LSAMP: variants seen among roughly 807,000 people sequenced by gnomAD.
LSAMP encodes the protein limbic system-associated membrane protein.
A neutral mutation model predicts 38.6 loss-of-function variants in LSAMP; 7 were observed. The observed-to-expected ratio is 0.18, with a 90% confidence interval of 0.10 to 0.34. The LOEUF (loss-of-function observed/expected upper bound fraction) is 0.34, where lower values mean the gene tolerates loss of function less well. Ranked by LOEUF, LSAMP falls within the 10% of genes least tolerant of loss-of-function variation. The probability of loss-of-function intolerance (pLI) is 1.00; values close to 1 mark genes in which losing one functional copy is unlikely to be tolerated. For missense variants in LSAMP, 313 were observed against 420.0 expected (o/e 0.75, Z 2.23); for synonymous variants, 154 against 166.8 (o/e 0.92, Z 0.59).
chr3:116,248,017 C>A (rs2046625740), intron 1 of LSAMP, among the ~76,000 whole-genome samples: 1 of 152,130 alleles, frequency 6.6e-6, no homozygotes, highest in Non-Finnish European at 1.5e-5. Context: ...AAGATATTTT[C>A]AAGGACATAT....
chr3:115,850,281 C>T (rs190049985), intron 4 of LSAMP, among the ~76,000 whole-genome samples: 3 of 152,256 alleles, frequency 2.0e-5, no homozygotes, highest in East Asian at 1.9e-4. Flanking sequence ...TCTTGGGAAC[C>T]ATCTGCAATC....
At chr3:116,425,697 C>A (rs2049185778) in intron 1 of LSAMP, among the ~76,000 whole-genome samples, 1 of 151,900 alleles carries the variant, frequency 6.6e-6, no homozygotes, top group Non-Finnish European at 1.5e-5. Flanking sequence ...AGAAAACTAT[C>A]AGCAAACATA....
intron 1 of LSAMP, among the ~76,000 whole-genome samples, chr3:116,395,204 T>C (rs117599638): frequency 6.6e-6 from 1 of 152,348 alleles, no homozygotes; most frequent in East Asian, 1.9e-4. Flanking sequence ...TAATCTCTCC[T>C]GTTTTAATAA....
chr3:116,414,876 G>T (rs1236716025), intron 1 of LSAMP, among the ~76,000 whole-genome samples: 1 of 151,924 alleles, frequency 6.6e-6, no homozygotes, highest in African/African-American at 2.4e-5. Flanking sequence ...TTTTACTAAG[G>T]TTTCTCTTTC....
At chr3:116,415,666 T>C (rs1294567433) in intron 1 of LSAMP, among the ~76,000 whole-genome samples, 8 of 152,136 alleles carry the variant, frequency 5.3e-5, no homozygotes, top group Non-Finnish European at 1.0e-4. Flanking sequence ...CATGATGCAT[T>C]CATTTGAAAC....
chr3:116,084,074 C>T lies in LSAMP; in HGVS notation c.388+2250G>A, dbSNP rs186157168. Among the ~76,000 whole-genome samples the T allele has an allele frequency of 8.7e-4, 132 of 152,190 alleles. 1 individual carries two copies. Among genetic ancestry groups the T allele is most frequent in the Non-Finnish European group, 1.4e-3 (94 of 68,004 alleles). On this transcript the variant is annotated intron_variant, in intron 2 of 6. Transcript: ENST00000490035. ...GACAAACATGGGTTTGAAACCCTGT[C>T]CTAAGCCTACAGAAAGCCTTTGGCA...
intron 3 of LSAMP, among the ~76,000 whole-genome samples, chr3:116,012,594 A>G (rs989529098): frequency 2.0e-5 from 3 of 152,182 alleles, no homozygotes; most frequent in Admixed American, 6.5e-5. Context: ...AATAGACCTT[A>G]AGCGGGTACA....
At chr3:116,250,331 C>T (rs2046663574) in intron 1 of LSAMP, among the ~76,000 whole-genome samples, 1 of 152,142 alleles carries the variant, frequency 6.6e-6, no homozygotes, top group Non-Finnish European at 1.5e-5. Context: ...TGGGGACTTT[C>T]TATCTACTCT....
intron 1 of LSAMP, among the ~76,000 whole-genome samples, chr3:116,323,826 C>A (rs2047737567): frequency 6.6e-6 from 1 of 152,120 alleles, no homozygotes; most frequent in African/African-American, 2.4e-5. Context: ...TTGTTTATAG[C>A]ATTCTTTCAG....
chr3:115,883,317 C>T (rs1239983954), intron 3 of LSAMP, among the ~76,000 whole-genome samples: 1 of 151,778 alleles, frequency 6.6e-6, no homozygotes, highest in Non-Finnish European at 1.5e-5. Flanking sequence ...AGAAGATAAA[C>T]AGAAAGGTAA....
intron 2 of LSAMP, among the ~76,000 whole-genome samples, chr3:116,035,405 A>G (rs1462107528): frequency 1.3e-5 from 2 of 152,204 alleles, no homozygotes; most frequent in African/African-American, 4.8e-5. Flanking sequence ...TTTCACTTAC[A>G]CTGGACAAAG....
intron 1 of LSAMP, among the ~76,000 whole-genome samples, chr3:116,183,818 T>C (rs1710546403): frequency 6.6e-6 from 1 of 151,772 alleles, no homozygotes; most frequent in African/African-American, 2.4e-5. Flanking sequence ...TAAAGTGATA[T>C]CAAAATTAGG....
At chr3:115,963,560 C>A (rs2107598496) in intron 3 of LSAMP, among the ~76,000 whole-genome samples, 1 of 152,294 alleles carries the variant, frequency 6.6e-6, no homozygotes, top group Non-Finnish European at 1.5e-5. Flanking sequence ...AGACAAAACT[C>A]TGACCATTAG....
intron 1 of LSAMP, among the ~76,000 whole-genome samples, chr3:116,358,272 G>C (rs533962789): frequency 2.0e-5 from 3 of 152,160 alleles, no homozygotes; most frequent in Non-Finnish European, 4.4e-5. Context: ...TCTTAGAAAG[G>C]CAACACAAGA....
At chr3:116,267,546 C>T (rs567385683) in intron 1 of LSAMP, among the ~76,000 whole-genome samples, 1 of 150,692 alleles carries the variant, frequency 6.6e-6, no homozygotes, top group East Asian at 2.0e-4. Context: ...TTCTTACTTG[C>T]CAAGGGGAGA....
intron 1 of LSAMP, among the ~76,000 whole-genome samples, chr3:116,194,044 A>G (rs1025882774): frequency 6.6e-6 from 1 of 152,218 alleles, no homozygotes; most frequent in Non-Finnish European, 1.5e-5. Flanking sequence ...TGACCATTCT[A>G]AAGCTTACCA....
intron 2 of LSAMP, among the ~76,000 whole-genome samples, chr3:116,046,110 C>T (rs541711212): frequency 6.6e-6 from 1 of 152,288 alleles, no homozygotes; most frequent in South Asian, 2.1e-4. Context: ...AAAATTGTTG[C>T]CTTTCTCTAA....
At chr3:116,123,823 T>C (rs2107491882) in intron 1 of LSAMP, among the ~76,000 whole-genome samples, 1 of 152,308 alleles carries the variant, frequency 6.6e-6, no homozygotes, top group Non-Finnish European at 1.5e-5. Flanking sequence ...CCATAAATGT[T>C]GAGATGACTT....
chr3:115,932,461 G>A (rs577516675), intron 3 of LSAMP, among the ~76,000 whole-genome samples: 2 of 152,312 alleles, frequency 1.3e-5, no homozygotes, highest in Admixed American at 6.5e-5. Context: ...ATTCCAGGTA[G>A]TGGAAAAAAT....
Sources: gnomAD v4.1 joint callset for allele counts (sites outside exome capture counted in the v4.1 genomes callset) on GRCh38, gnomAD v4.1.1 for gene constraint, MANE v1.5 for transcripts, NCBI Gene and HGNC (gene_info 2026-07-23, HGNC 2026-07-21) for gene names.